The following NFATC2 variants were observed in gnomAD, a reference collection of about 807,000 sequenced individuals.
The protein encoded by NFATC2 is nuclear factor of activated T cells 2.
A neutral mutation model predicts 87.3 loss-of-function variants in NFATC2; 22 were observed. The observed-to-expected ratio is 0.25, with a 90% CI of 0.18 to 0.36. NFATC2 has a LOEUF of 0.36. Among genes scored for constraint, NFATC2 ranks in the 10% least tolerant of loss-of-function variants. The pLI, the probability that NFATC2 is intolerant of heterozygous loss-of-function variation, is 1.00. For missense variants in NFATC2, 1,149 were observed against 1,259.1 expected (o/e 0.91, Z 1.32); for synonymous variants, 565 against 542.2 (o/e 1.04, Z -0.58).
Position 51,562,432 on chromosome 20 carries a change from G to T in NFATC2, c.70+128C>A. On this transcript the variant is annotated intron_variant, in intron 1 of 10. Transcript: ENST00000414705. This position sits in a 1 kb window ranked among gnomAD's most constrained non-coding sequence, Gnocchi z 5.8. ...GCCCCGCTACCTGTGCGCCGAGGGC[G>T]AGCGGGGTCCCCAGGCCTCCCGCAC... 1.2e-6 allele frequency: 1 copy of T among 809,024 alleles called. No individual in the cohort carries two copies. The highest frequency in any genetic ancestry group is 2.1e-5 in the South Asian group (1 of 48,286). 50.1% of individuals were successfully genotyped at this position (809,024 alleles called of 1,614,324 possible). A position where few individuals can be genotyped will look rare whatever the true frequency, so the allele number is the denominator to read the frequency against.
rs1253283719 is a variant in NFATC2 at position 51,435,465 on chromosome 20, A to G, written c.1906-151T>C. The stretch of plus-strand genomic sequence containing the variant: ...GGAAGTTCAATTTCAGGGGAATTTA[A>G]CTTGTCAGCGGCAGCAAAAAATAAT... On this transcript the variant is annotated intron_variant, in intron 7 of 10. Coordinates refer to ENST00000371564, the MANE Select transcript of NFATC2 (RefSeq NM_012340.5). The G allele has an allele frequency of 3.2e-6, 4 of 1,239,942 alleles. No homozygotes were observed. In the Admixed American group the frequency reaches 7.0e-5, roughly 22 times the overall value. The allele number at this position is 1,239,942 out of a possible 1,614,324, so 76.8% of individuals were successfully genotyped here.
chr20:51,431,107 T>C (rs1982636748), intron 9 of NFATC2, among the ~76,000 whole-genome samples: 1 of 152,210 alleles, frequency 6.6e-6, no homozygotes, highest in African/African-American at 2.4e-5. Flanking sequence ...TATTTCACTT[T>C]GCATGCCTGT....
intron 9 of NFATC2, among the ~76,000 whole-genome samples, chr20:51,427,700 C>T (rs761172659): frequency 1.3e-5 from 2 of 152,170 alleles, no homozygotes; most frequent in Non-Finnish European, 2.9e-5. Context: ...GTTCCCTCTC[C>T]CTGAAACACT....
At chr20:51,430,996 G>A (rs1369316134) in intron 9 of NFATC2, among the ~76,000 whole-genome samples, 4 of 152,012 alleles carry the variant, frequency 2.6e-5, no homozygotes, top group Admixed American at 6.6e-5. Flanking sequence ...AACTCCAGTC[G>A]CTTAACTGTA....
intron 8 of NFATC2, among the ~76,000 whole-genome samples, chr20:51,434,528 CA>C (rs1481347959): frequency 6.6e-6 from 1 of 152,162 alleles, no homozygotes; most frequent in Non-Finnish European, 1.5e-5. Flanking sequence ...TCCAACATAT[CA>C]ATAATATCAA....
chr20:51,506,797 C>T (rs565640532), intron 3 of NFATC2, among the ~76,000 whole-genome samples: 4 of 152,252 alleles, frequency 2.6e-5, no homozygotes, highest in Non-Finnish European at 4.4e-5. Context: ...CCTCTTGTGG[C>T]ATGTTGCAGC....
At chr20:51,515,313 C>T (rs1456785338) in intron 3 of NFATC2, among the ~76,000 whole-genome samples, 1 of 152,166 alleles carries the variant, frequency 6.6e-6, no homozygotes, top group Non-Finnish European at 1.5e-5. Flanking sequence ...TTCCAGCCCA[C>T]CAGATTAAAG....
chr20:51,432,120 G>C lies in NFATC2; in HGVS notation c.2669C>G (p.Ala890Gly). 1 of 1,568,498 alleles carries C rather than the reference G, an allele frequency of 6.4e-7. No homozygotes were observed. The highest frequency in any genetic ancestry group is 8.7e-7 in the Non-Finnish European group (1 of 1,153,888). ...CTGCTCCTGTTTAATGGTCACCCCC[G>C]CAGGTAATACTTCCTTTTGGTCACT... is the stretch of plus-strand genomic sequence containing the variant. ...PVSDQKEVLPAGVTIKQEQNL... is the reference protein window; with the variant it reads ...PVSDQKEVLPGGVTIKQEQNL... Residue 890 changes from alanine (A) to glycine (G), a missense_variant, in exon 9 of 11, where the codon GCG becomes GGG. Physicochemically the swap from Ala to Gly is moderately conservative, Grantham distance 60. Transcript: ENST00000371564. This position sits in a 1 kb window ranked among gnomAD's most constrained non-coding sequence, Gnocchi z 4.6.
chr20:51,412,278 GTGAT>G (rs1023341259), intron 9 of NFATC2, among the ~76,000 whole-genome samples: 41 of 152,328 alleles, frequency 2.7e-4, no homozygotes, highest in African/African-American at 9.6e-4. Flanking sequence ...ACAGCTGGGG[GTGAT>G]TGGACTGGGG....
rs117374407 is a variant in NFATC2, at chr20:51,461,650, C to T, written c.1709-6962G>A. Among the ~76,000 whole-genome samples the T allele has an allele frequency of 3.9e-3, 600 of 152,360 alleles. 2 individuals are homozygous for T. The highest frequency in any genetic ancestry group is 6.3e-3 in the Non-Finnish European group (428 of 68,026). ...AAAGGTTCAGCGAAGAAAACTGACA[C>T]CGGCACAGGGTTCCCCCACATCGCC... On this transcript the variant is annotated intron_variant, in intron 5 of 10. Transcript: ENST00000371564.
chr20:51,402,090 T>C (rs1391948793), intron 9 of NFATC2, among the ~76,000 whole-genome samples: 1 of 152,246 alleles, frequency 6.6e-6, no homozygotes, highest in Non-Finnish European at 1.5e-5. Context: ...TCCTAGCCAG[T>C]GTAGAATATG....
intron 9 of NFATC2, among the ~76,000 whole-genome samples, chr20:51,412,304 G>A (rs1035248687): frequency 1.3e-5 from 2 of 152,162 alleles, no homozygotes; most frequent in Non-Finnish European, 2.9e-5. Context: ...AGGGGTCTGC[G>A]ACCAAAAGGG....
chr20:51,505,121 A>C (rs6021258), intron 3 of NFATC2, among the ~76,000 whole-genome samples: 96,851 of 148,548 alleles, frequency 0.65, 33,296 homozygotes, highest in African/African-American at 0.9. Flanking sequence ...TCACACCATT[A>C]TCCTGCCTCA....
intron 9 of NFATC2, among the ~76,000 whole-genome samples, chr20:51,431,385 G>A (rs1013787155): frequency 2.0e-5 from 3 of 152,026 alleles, no homozygotes; most frequent in Admixed American, 6.6e-5. Context: ...CTACCCTCTG[G>A]GCAGACCCCT....
At position 51,432,301 on chromosome 20, in the gene NFATC2, G is replaced by A. The variant is rs772115227; in HGVS notation, c.2488C>T (p.His830Tyr). Residue 830 changes from histidine (H) to tyrosine (Y), a missense_variant, in exon 9 of 11, where the codon CAC becomes TAC. By Grantham distance (83) the His-to-Tyr change is moderately conservative. Coordinates refer to ENST00000371564, the MANE Select transcript of NFATC2 (RefSeq NM_012340.5). The surrounding 1 kb of genome is among the most constrained non-coding windows in gnomAD (Gnocchi z 4.6). Reference sequence around the variant, plus strand: ...GCGAAATTCTCGCAGTACATGATGTGCTGGAACTCCTGGTGGCTTCCGCAG... The same window carrying A: ...GCGAAATTCTCGCAGTACATGATGTACTGGAACTCCTGGTGGCTTCCGCAG... ...LRCGSHQEFQHIMYCENFAPG... is the reference protein window; with the variant it reads ...LRCGSHQEFQYIMYCENFAPG... 1.9e-6 allele frequency: 3 copies of A among 1,614,252 alleles called. No individual in the cohort carries two copies. The highest frequency in any genetic ancestry group is 2.2e-5 in the South Asian group (2 of 91,086).
intron 3 of NFATC2, among the ~76,000 whole-genome samples, chr20:51,506,729 G>A (rs549941122): frequency 2.4e-5 from 3 of 127,560 alleles, no homozygotes; most frequent in African/African-American, 6.4e-5. Flanking sequence ...GCCTGCGGAC[G>A]GGTTGCAGCG....
In NFATC2 at chr20:51,477,642, T is replaced by C. The variant is rs78008076; in HGVS notation, c.1333-1982A>G. On this transcript the variant is annotated intron_variant, in intron 3 of 10. Coordinates refer to ENST00000371564, the MANE Select transcript of NFATC2 (RefSeq NM_012340.5). ...TTGATGATGTGTTCCTGTCTTGTCA[T>C]TGAGTGGAGAAACACTAGACAAATC... is the stretch of plus-strand genomic sequence containing the variant. 9.1e-3 allele frequency among the ~76,000 whole-genome samples: 1,334 copies of C among 146,936 alleles called. 51 individuals are homozygous for C. In the East Asian group the frequency reaches 0.13, roughly 15 times the overall value.
chr20:51,405,013 ACT>A (rs904495409), intron 9 of NFATC2, among the ~76,000 whole-genome samples: 2 of 152,008 alleles, frequency 1.3e-5, no homozygotes, highest in Non-Finnish European at 2.9e-5. Context: ...TGATTCTGAG[ACT>A]CTGGTTTCTA....
intron 10 of NFATC2, among the ~76,000 whole-genome samples, 200 bp downstream of exon 10, chr20:51,398,443 C>T (rs952479125): frequency 6.6e-6 from 1 of 152,066 alleles, no homozygotes; most frequent in Non-Finnish European, 1.5e-5. Context: ...CCTTCTCCCG[C>T]CCAACCCTGA....
Sources: allele counts gnomAD v4.1 joint callset (sites outside exome capture counted in the v4.1 genomes callset), GRCh38; gene constraint gnomAD v4.1.1; non-coding constraint Gnocchi (gnomAD v3.1); transcripts MANE v1.5; gene names NCBI Gene and HGNC (gene_info 2026-07-23, HGNC 2026-07-21).